Variants in CTNNA3 observed in about 807,000 individuals in gnomAD.
CTNNA3 encodes catenin alpha 3.
A neutral mutation model predicts 95.7 loss-of-function variants in CTNNA3; 76 were observed. The observed-to-expected ratio is 0.79, with a 90% CI of 0.66 to 0.96. The LOEUF (loss-of-function observed/expected upper bound fraction) is 0.96, where lower values mean the gene tolerates loss of function less well. CTNNA3 is among the 40% of genes least tolerant of loss of function. The probability of loss-of-function intolerance (pLI) is 0.00; values close to 1 mark genes in which losing one functional copy is unlikely to be tolerated. For synonymous variants in CTNNA3, 431 were observed against 374.4 expected (o/e 1.15, Z -1.74); for missense variants, 1,191 against 1,089.8 (o/e 1.09, Z -1.31).
chr10:67,607,192 G>GA (rs1843307019), intron 2 of CTNNA3, 143 bp from the exon 3 acceptor site: 1 of 592,954 alleles, frequency 1.7e-6, no homozygotes, highest in African/African-American at 1.9e-5. Context: ...CCGTGCAGTT[G>GA]AAAATCTGAG....
At chr10:67,316,032 T>C (rs1177496334) in intron 5 of CTNNA3, among the ~76,000 whole-genome samples, 3 of 152,202 alleles carry the variant, frequency 2.0e-5, no homozygotes, top group African/African-American at 4.8e-5. Context: ...TTTATTCTTT[T>C]TGAATAGTGA....
intron 7 of CTNNA3, among the ~76,000 whole-genome samples, chr10:66,968,542 G>A (rs1049618301): frequency 1.5e-4 from 23 of 151,976 alleles, no homozygotes; most frequent in African/African-American, 5.1e-4. Context: ...GGTTAGAAGC[G>A]ATTGGATTCA....
chr10:67,017,186 A>T (rs1299096444), intron 7 of CTNNA3, among the ~76,000 whole-genome samples: 1 of 152,200 alleles, frequency 6.6e-6, no homozygotes. Flanking sequence ...GTGATTTCCA[A>T]AGTGTTTTCA....
At chr10:66,707,784 C>A (rs977699924) in intron 9 of CTNNA3, among the ~76,000 whole-genome samples, 4 of 152,058 alleles carry the variant, frequency 2.6e-5, no homozygotes, top group Non-Finnish European at 5.9e-5. Flanking sequence ...TGTTAACTAA[C>A]CAGGCAACTA....
In CTNNA3 at chr10:66,699,507, C is replaced by A. The variant is rs181229663; in HGVS notation, c.1281+66757G>T. On this transcript the variant is annotated intron_variant, in intron 9 of 17. Transcript: ENST00000433211. ...GTGACATTGAGCACCTTTTCATATA[C>A]CCGTTGGCTATTTTTATGTCTTGTT... 3.3e-3 allele frequency among the ~76,000 whole-genome samples: 495 copies of A among 151,848 alleles called. 3 individuals are homozygous for A. Among genetic ancestry groups the A allele is most frequent in the African/African-American group, 0.012 (480 of 41,418 alleles).
chr10:66,357,484 C>A (rs986527784), intron 12 of CTNNA3, among the ~76,000 whole-genome samples: 5 of 152,072 alleles, frequency 3.3e-5, no homozygotes, highest in Non-Finnish European at 7.4e-5. Flanking sequence ...GCCCTTTAGC[C>A]ATCACTCTCA....
intron 1 of CTNNA3, among the ~76,000 whole-genome samples, chr10:67,746,703 C>A (rs1841376505): frequency 6.6e-6 from 1 of 152,154 alleles, no homozygotes; most frequent in Non-Finnish European, 1.5e-5. Flanking sequence ...ATCAGGAGAT[C>A]CCACTCATGA....
intron 3 of CTNNA3, among the ~76,000 whole-genome samples, chr10:67,540,644 A>AT (rs1432503986): frequency 2.0e-5 from 3 of 151,978 alleles, no homozygotes; most frequent in Non-Finnish European, 4.4e-5. Context: ...TTATGAATAT[A>AT]TTCATATACA....
chr10:67,389,123 A>T (rs1441283759), intron 5 of CTNNA3, among the ~76,000 whole-genome samples: 1 of 151,948 alleles, frequency 6.6e-6, no homozygotes, highest in Non-Finnish European at 1.5e-5. Flanking sequence ...GGCAAATTGG[A>T]TAAAGAATCA....
intron 15 of CTNNA3, among the ~76,000 whole-genome samples, chr10:66,054,796 T>C (rs1311650832): frequency 6.6e-6 from 1 of 152,206 alleles, no homozygotes; most frequent in Non-Finnish European, 1.5e-5. Flanking sequence ...CAAGAAATCT[T>C]TACTCAGACC....
At chr10:66,454,840 A>C (rs2093485870) in intron 11 of CTNNA3, among the ~76,000 whole-genome samples, 4 of 140,228 alleles carry the variant, frequency 2.9e-5, no homozygotes, top group East Asian at 2.4e-4. Context: ...GAGGAGGGGA[A>C]GAAAGGGGGA....
chr10:66,603,730 G>A (rs1363280314), intron 10 of CTNNA3, among the ~76,000 whole-genome samples: 1 of 152,012 alleles, frequency 6.6e-6, no homozygotes, highest in East Asian at 1.9e-4. Context: ...ATGAAAAAAG[G>A]CATATAGAAC....
intron 5 of CTNNA3, among the ~76,000 whole-genome samples, chr10:67,380,689 C>T (rs1843908449): frequency 6.6e-6 from 1 of 151,964 alleles, no homozygotes; most frequent in Non-Finnish European, 1.5e-5. Flanking sequence ...ATAGGGAAGA[C>T]GAAAACAGTA....
At chr10:66,417,783 T>G (rs2093159019) in intron 11 of CTNNA3, among the ~76,000 whole-genome samples, 1 of 151,738 alleles carries the variant, frequency 6.6e-6, no homozygotes, top group African/African-American at 2.4e-5. Flanking sequence ...ACAACCATTG[T>G]GTCAATGAAG....
chr10:67,728,580 T>C (rs974231252), intron 1 of CTNNA3, among the ~76,000 whole-genome samples: 3 of 151,762 alleles, frequency 2.0e-5, no homozygotes, highest in South Asian at 2.1e-4. Flanking sequence ...GTGATGTCAA[T>C]GCTGCTGGTC....
chr10:66,246,316 C>T (rs773927413), intron 13 of CTNNA3, among the ~76,000 whole-genome samples: 19 of 152,042 alleles, frequency 1.2e-4, no homozygotes, highest in Non-Finnish European at 2.8e-4. Flanking sequence ...ACAACTGCGC[C>T]CAGGGTTGGG....
intron 1 of CTNNA3, among the ~76,000 whole-genome samples, chr10:67,685,693 T>C (rs1252076464): frequency 6.6e-6 from 1 of 152,228 alleles, no homozygotes; most frequent in South Asian, 2.1e-4. Context: ...TTATCAATTA[T>C]AGGTTTTTAA....
In CTNNA3 at chr10:66,415,463, C is replaced by T. The variant is rs376285814; in HGVS notation, c.1532-36111G>A. 1.5e-3 allele frequency among the ~76,000 whole-genome samples: 227 copies of T among 152,234 alleles called. 1 individual carries two copies. The highest frequency in any genetic ancestry group is 8.3e-3 in the South Asian group (40 of 4,828). On this transcript the variant is annotated intron_variant, in intron 11 of 17. Coordinates refer to ENST00000433211, the MANE Select transcript of CTNNA3 (RefSeq NM_013266.4). ...ACACCACTGCCACTCGCATTGCCTACGCCATATTAGCTGCCCATGGACCCA... is the reference window on the plus strand; with the variant it reads ...ACACCACTGCCACTCGCATTGCCTATGCCATATTAGCTGCCCATGGACCCA...
At chr10:66,791,842 T>C (rs747188344) in intron 7 of CTNNA3, among the ~76,000 whole-genome samples, 1 of 152,308 alleles carries the variant, frequency 6.6e-6, no homozygotes, top group African/African-American at 2.4e-5. Flanking sequence ...TGAAAGATAC[T>C]GTCTTATCAA....
Sources: allele counts gnomAD v4.1 joint callset (sites outside exome capture counted in the v4.1 genomes callset), GRCh38; gene constraint gnomAD v4.1.1; transcripts MANE v1.5; gene names NCBI Gene and HGNC (gene_info 2026-07-23, HGNC 2026-07-21).